Variants in ABCA10 observed in about 807,000 individuals in gnomAD.
ABCA10 encodes ATP-binding cassette sub-family A member 10.
Under a neutral mutation model 187.5 loss-of-function variants are expected in ABCA10, and 169 were observed. That is an observed-to-expected ratio of 0.90 (90% CI 0.80 to 1.02). The LOEUF is 1.02. Ranked by LOEUF, ABCA10 falls within the 50% of genes least tolerant of loss-of-function variation. The pLI, the probability that ABCA10 is intolerant of heterozygous loss-of-function variation, is 0.00. For missense variants in ABCA10, 1,727 were observed against 1,812.4 expected, an observed-to-expected ratio of 0.95 and a Z score of 0.86; for synonymous variants, 574 against 601.8, an observed-to-expected ratio of 0.95 and a Z score of 0.68.
At chr17:69,154,437 T>C (rs2074157943) in intron 30 of ABCA10, 111 bp from the exon 31 acceptor site, 1 of 833,666 alleles carries the variant, frequency 1.2e-6, no homozygotes, top group East Asian at 2.7e-5. Flanking sequence ...TTTTTTTTTT[T>C]TTTCAGAGAC....
chr17:69,159,387 G>A (rs2074198233), intron 27 of ABCA10, among the ~76,000 whole-genome samples: 1 of 151,902 alleles, frequency 6.6e-6, no homozygotes, highest in Non-Finnish European at 1.5e-5. Flanking sequence ...TTTTTTTTAA[G>A]AAATGATGGC....
At chr17:69,185,072 T>C (rs1399127163) in intron 20 of ABCA10, among the ~76,000 whole-genome samples, 1 of 152,006 alleles carries the variant, frequency 6.6e-6, no homozygotes, top group Non-Finnish European at 1.5e-5. Flanking sequence ...CATCATATGT[T>C]ATCACTTATA....
intron 3 of ABCA10, among the ~76,000 whole-genome samples, chr17:69,224,807 ACTATTTTT>A (rs2074780385): frequency 6.6e-6 from 1 of 152,092 alleles, no homozygotes; most frequent in African/African-American, 2.4e-5. Context: ...GTACATTTTA[ACTATTTTT>A]ATACACCAAA....
upstream of ABCA10, among the ~76,000 whole-genome samples, chr17:69,230,937 T>C (rs1221617819): frequency 2.0e-5 from 3 of 152,162 alleles, no homozygotes; most frequent in Non-Finnish European, 4.4e-5. Flanking sequence ...TGAGAAAATA[T>C]TGTCACTGCC....
chr17:69,232,805 C>T (rs1403463537), upstream of ABCA10, among the ~76,000 whole-genome samples: 3 of 152,090 alleles, frequency 2.0e-5, no homozygotes, highest in African/African-American at 7.2e-5. Context: ...TCCTTCATTT[C>T]TGAAGGACAG....
At chr17:69,163,660 A>G (rs2074234929) in intron 27 of ABCA10, among the ~76,000 whole-genome samples, 1 of 152,214 alleles carries the variant, frequency 6.6e-6, no homozygotes, top group African/African-American at 2.4e-5. Flanking sequence ...CATAATACAC[A>G]GAAATAACAT....
At chr17:69,211,340 TATATATATATATATATATATAC>T (rs1362536955) in intron 9 of ABCA10, among the ~76,000 whole-genome samples, 4,703 of 112,576 alleles carry the variant, frequency 0.042, 183 homozygotes, top group African/African-American at 0.079. Flanking sequence ...TATATATATA[TATATATATATATATATATATAC>T]ACACACACCA....
chr17:69,170,695 C>A (rs2074291904), intron 25 of ABCA10, among the ~76,000 whole-genome samples: 1 of 151,268 alleles, frequency 6.6e-6, no homozygotes, highest in Non-Finnish European at 1.5e-5. Context: ...CCATACTGTA[C>A]AATTAAATTT....
intron 30 of ABCA10, among the ~76,000 whole-genome samples, chr17:69,154,755 C>T (rs925752400): frequency 9.9e-5 from 15 of 152,116 alleles, no homozygotes; most frequent in African/African-American, 3.4e-4. Flanking sequence ...GCTTAGTTAG[C>T]ACCTTGAAAA....
chr17:69,155,688 T>C lies in ABCA10; in HGVS notation c.3576+117A>G, dbSNP rs1464742086. ...AAGAGAATAATTTGAATATAAGCTA[T>C]AAATAGAAATATTAAAGAAACTAAA... On this transcript the variant is annotated intron_variant, in intron 29 of 38. Coordinates refer to ENST00000690296, the MANE Select transcript of ABCA10 (RefSeq NM_001377321.1). 4 of 1,294,872 alleles carry C rather than the reference T, an allele frequency of 3.1e-6. No individual in the cohort carries two copies. In the African/African-American group the frequency reaches 6.0e-5, roughly 19 times the overall value. 80.2% of individuals were successfully genotyped at this position (1,294,872 alleles called of 1,614,324 possible).
In ABCA10 at chr17:69,221,829, A is replaced by C; in HGVS notation, c.266T>G (p.Val89Gly). 6.2e-7 allele frequency: 1 copy of C among 1,613,622 alleles called. No individual in the cohort carries two copies. The highest frequency in any genetic ancestry group is 8.5e-7 in the Non-Finnish European group (1 of 1,179,780). The part of the protein sequence containing the change: ...YLAKYWLKGF[V>G]AFQAAINAAI... ...AGCATTAATTGCAGCTTGAAAAGCT[A>C]CAAACCCTTTTAGCCAGTACTTTGC... Residue 89 changes from valine to glycine, a missense_variant, in exon 5 of 39, where the codon GTA (valine) becomes GGA (glycine). By Grantham distance (109) the Val-to-Gly change is moderately radical. Transcript: ENST00000690296.
At chr17:69,229,250 G>A (rs774699109), upstream of ABCA10, among the ~76,000 whole-genome samples, 51 of 152,094 alleles carry the variant, frequency 3.4e-4, no homozygotes, top group Non-Finnish European at 6.9e-4. Context: ...GAAAGGTGGG[G>A]CTAACAGGTG....
chr17:69,211,163 A>G (rs962846959), intron 9 of ABCA10, among the ~76,000 whole-genome samples: 2 of 151,242 alleles, frequency 1.3e-5, no homozygotes, highest in Admixed American at 6.6e-5. Context: ...ACTACATGAA[A>G]AAGACACTTG....
Position 69,187,793 on chromosome 17 carries a change from G to C in ABCA10, c.2218C>G (p.Pro740Ala). The change falls in exon 19 of 39, where the codon CCT becomes GCT. Residue 740 changes from proline to alanine, a missense_variant. Coordinates refer to ENST00000690296, the MANE Select transcript of ABCA10 (RefSeq NM_001377321.1). ...CTACTGACAGCCTTTCTTGTTTCAG[G>C]AAGAGAACAAAGAACCTGTTCCATT... Reference protein sequence around the residue: ...SEMEQVLCSLPETRKAVSSAA... With the variant: ...SEMEQVLCSLAETRKAVSSAA... The C allele has an allele frequency of 6.2e-7, 1 of 1,613,818 alleles. No individual in the cohort carries two copies. The highest frequency in any genetic ancestry group is 8.5e-7 in the Non-Finnish European group (1 of 1,179,772).
Position 69,210,847 on chromosome 17 carries a change from C to CATATATATAT in ABCA10, c.1006+3847_1006+3856dup, listed in dbSNP as rs57227408. ...ATATATATGCCACATATTTATGCCA[C>CATATATATAT]ATATATATATATATATATGCCATAT... On this transcript the variant is annotated intron_variant, in intron 9 of 38. Transcript: ENST00000690296. Among the ~76,000 whole-genome samples the CATATATATAT allele has an allele frequency of 7.9e-3, 298 of 37,888 alleles. 3 individuals carry two copies. Among genetic ancestry groups the CATATATATAT allele is most frequent in the Non-Finnish European group, 0.014 (152 of 10,832 alleles). The allele number at this position is 37,888 out of a possible 152,430, so 24.9% of individuals were successfully genotyped here. A position where few individuals can be genotyped will look rare whatever the true frequency, so the allele number is the denominator to read the frequency against.
chr17:69,177,971 A>ATATATATATATATATATATATT (rs1480621345), intron 22 of ABCA10, among the ~76,000 whole-genome samples: 1 of 56,952 alleles, frequency 1.8e-5, no homozygotes, highest in Non-Finnish European at 4.2e-5. Context: ...AAAAAAAAAA[A>ATATATATATATATATATATATT]AAATATATAT....
rs1436950889 is a variant in ABCA10, at chr17:69,148,097, T to C, written c.*730A>G. On this transcript the variant is annotated 3_prime_UTR_variant, in exon 39 of 39. Coordinates refer to ENST00000690296, the MANE Select transcript of ABCA10 (RefSeq NM_001377321.1). ...GTATTACATCAATACAGCTATAACA[T>C]TAATGCAGCAATTATATAACACAAA... 6.6e-6 allele frequency: 1 copy of C among 152,066 alleles called. No individual in the cohort carries two copies. The highest frequency in any genetic ancestry group is 1.5e-5 in the Non-Finnish European group (1 of 68,004). The allele number at this position is 152,066 out of a possible 1,614,324, so 9.4% of individuals were successfully genotyped here. A position where few individuals can be genotyped will look rare whatever the true frequency, so the allele number is the denominator to read the frequency against.
chr17:69,169,216 G>T (rs2074277431), intron 25 of ABCA10, among the ~76,000 whole-genome samples: 1 of 152,188 alleles, frequency 6.6e-6, no homozygotes, highest in Admixed American at 6.5e-5. Flanking sequence ...CTAAGTGCCA[G>T]ACCACTGAGG....
rs1333807944 is a variant in ABCA10, at chr17:69,148,741, C to A, written c.*86G>T. 1.2e-5 allele frequency: 13 copies of A among 1,128,470 alleles called. No homozygotes were observed. Among genetic ancestry groups the A allele is most frequent in the African/African-American group, 1.6e-5 (1 of 63,444 alleles). 69.9% of individuals were successfully genotyped at this position (1,128,470 alleles called of 1,614,324 possible). On this transcript the variant is annotated 3_prime_UTR_variant, in exon 39 of 39. Coordinates refer to ENST00000690296, the MANE Select transcript of ABCA10 (RefSeq NM_001377321.1). ...TTTATTAAATGTTTTCTTTTGTTAACTGAAGTAAAAGGAAACATTCTTGTA... is the reference window on the plus strand; with the variant it reads ...TTTATTAAATGTTTTCTTTTGTTAAATGAAGTAAAAGGAAACATTCTTGTA...
Sources: gnomAD v4.1 joint callset for allele counts (sites outside exome capture counted in the v4.1 genomes callset) on GRCh38, gnomAD v4.1.1 for gene constraint, MANE v1.5 for transcripts, NCBI Gene and HGNC (gene_info 2026-07-23, HGNC 2026-07-21) for gene names.